Variants in ERAP1 observed in about 807,000 individuals in gnomAD.
ERAP1 encodes the protein endoplasmic reticulum aminopeptidase 1, also known as adipocyte-derived leucine aminopeptidase.
In ERAP1, 86 loss-of-function variants were observed where a neutral mutation model predicts 103.7. The observed-to-expected ratio is 0.83, with a 90% CI of 0.70 to 0.99. The LOEUF is 0.99. ERAP1 is among the 50% of genes least tolerant of loss of function. ERAP1 has a pLI of 0.00. For missense variants in ERAP1, 1,009 were observed against 1,128.4 expected (o/e 0.89, Z 1.52); for synonymous variants, 398 against 402.4 (o/e 0.99, Z 0.13).
chr5:96,914,148 T>TCACACACACACA, the ERAP1 span, among the ~76,000 whole-genome samples: 41 of 148,080 alleles, frequency 2.8e-4, no homozygotes, highest in East Asian at 3.4e-3. Context: ...TCTCTCTCTC[T>TCACACACACACA]CACACACACA....
chr5:96,816,256 C>T, the ERAP1 span, among the ~76,000 whole-genome samples: 4 of 152,196 alleles, frequency 2.6e-5, no homozygotes, highest in South Asian at 6.2e-4. Flanking sequence ...TCTTTCTTAA[C>T]GAATTATACA....
chr5:96,896,553 A>G, the ERAP1 span: 2 of 1,592,092 alleles, frequency 1.3e-6, no homozygotes, highest in South Asian at 1.1e-5. Context: ...GAAGTGTAAT[A>G]ATGACTATAG....
Position 96,797,322 on chromosome 5 carries a change from T to A in ERAP1, c.664-13A>T. The A allele has an allele frequency of 6.2e-6, 10 of 1,612,790 alleles. No homozygotes were observed. Among genetic ancestry groups the A allele is most frequent in the Non-Finnish European group, 8.5e-6 (10 of 1,179,402 alleles). ...TCACAGATTTCACCTAAAATCAGAA[T>A]AATTCAAATTATCAAGTAATCCAAT... On this transcript the variant is annotated splice_polypyrimidine_tract_variant and intron_variant, in intron 3 of 18. Coordinates refer to ENST00000443439, the MANE Select transcript of ERAP1 (RefSeq NM_001040458.3).
chr5:96,810,496 G>A (rs753185071), upstream of ERAP1, among the ~76,000 whole-genome samples: 7 of 152,122 alleles, frequency 4.6e-5, no homozygotes, highest in Non-Finnish European at 8.8e-5. Flanking sequence ...GAGACAGGTC[G>A]GCAACTTGCT....
the ERAP1 span, among the ~76,000 whole-genome samples, chr5:96,819,953 G>A: frequency 3.9e-5 from 6 of 152,162 alleles, no homozygotes; most frequent in South Asian, 4.1e-4. Context: ...TAATTTTGCC[G>A]AGACGTAGGT....
the ERAP1 span, among the ~76,000 whole-genome samples, chr5:96,886,301 A>G: frequency 1.3e-5 from 2 of 152,208 alleles, no homozygotes; most frequent in Admixed American, 1.3e-4. Flanking sequence ...ATTATCTGGT[A>G]TTTTACTTAA....
chr5:96,818,900 T>TATTTATG, the ERAP1 span, among the ~76,000 whole-genome samples: 4 of 86,036 alleles, frequency 4.6e-5, no homozygotes, highest in Non-Finnish European at 5.7e-5. Context: ...CTGCATTTAT[T>TATTTATG]TATTTATTTA....
At chr5:96,796,987 C>A (rs922183616) in intron 4 of ERAP1, among the ~76,000 whole-genome samples, 188 bp downstream of exon 4, 1 of 152,148 alleles carries the variant, frequency 6.6e-6, no homozygotes, top group Admixed American at 6.6e-5. Flanking sequence ...CAGGTTCTCA[C>A]TATTTTGTCC....
the ERAP1 span, among the ~76,000 whole-genome samples, chr5:96,911,623 T>C: frequency 5.3e-5 from 8 of 152,006 alleles, no homozygotes; most frequent in African/African-American, 1.4e-4. Flanking sequence ...CCGTAGCTCA[T>C]GCCTGTAAGG....
chr5:96,795,648 T>A (rs2150971262), intron 4 of ERAP1, among the ~76,000 whole-genome samples: 1 of 152,332 alleles, frequency 6.6e-6, no homozygotes, highest in South Asian at 2.1e-4. Context: ...GCCAGGCCTT[T>A]AATGTAAAGG....
At chr5:96,842,400 A>G in the ERAP1 span, among the ~76,000 whole-genome samples, 1 of 152,214 alleles carries the variant, frequency 6.6e-6, no homozygotes, top group Non-Finnish European at 1.5e-5. Flanking sequence ...TTACTTTCAC[A>G]CCAGCAGTGT....
chr5:96,806,851 G>GAAAA (rs61277270), intron 1 of ERAP1, among the ~76,000 whole-genome samples: 80 of 144,658 alleles, frequency 5.5e-4, no homozygotes, highest in South Asian at 2.0e-3. Context: ...GGATTAATTT[G>GAAAA]AAAAAAAAAA....
At chr5:96,919,992 G>A in the ERAP1 span, among the ~76,000 whole-genome samples, 2 of 152,190 alleles carry the variant, frequency 1.3e-5, no homozygotes, top group Admixed American at 6.5e-5. Context: ...GGCTTTGTAT[G>A]GGGAAGAGTG....
At chr5:96,918,316 G>C in the ERAP1 span, 2 of 152,150 alleles carry the variant, frequency 1.3e-5, no homozygotes, top group African/African-American at 2.4e-5. Context: ...GTATTCTATA[G>C]TTTGCCCAAC....
At chr5:96,892,346 G>T in the ERAP1 span, 14 of 1,613,660 alleles carry the variant, frequency 8.7e-6, no homozygotes, top group Non-Finnish European at 1.1e-5. Context: ...GGAAAATTGG[G>T]GCCTCATTAC....
intron 18 of ERAP1, among the ~76,000 whole-genome samples, chr5:96,778,991 A>G (rs17481759): frequency 0.091 from 13,826 of 152,060 alleles, 826 homozygotes; most frequent in Middle Eastern, 0.16. Flanking sequence ...CGCACCTGAT[A>G]TTTCCTCTGC....
intron 9 of ERAP1, 21 bp from the exon 10 acceptor site, chr5:96,790,388 C>T: frequency 6.2e-7 from 1 of 1,612,520 alleles, no homozygotes; most frequent in South Asian, 1.1e-5. Context: ...AAAATAAACA[C>T]ATCACTCTTA....
chr5:96,900,251 T>C, the ERAP1 span: 3 of 1,605,348 alleles, frequency 1.9e-6, no homozygotes, highest in Non-Finnish European at 2.5e-6. Flanking sequence ...CTAGAGTGAG[T>C]ATGACATACA....
the ERAP1 span, chr5:96,823,044 T>G: frequency 5.3e-5 from 24 of 456,168 alleles, no homozygotes; most frequent in South Asian, 1.5e-5. Context: ...TGCTGGCTGT[T>G]GACTGGAGGC....
Sources: gnomAD v4.1 joint callset for allele counts (sites outside exome capture counted in the v4.1 genomes callset) on GRCh38, gnomAD v4.1.1 for gene constraint, MANE v1.5 for transcripts, NCBI Gene and HGNC (gene_info 2026-07-23, HGNC 2026-07-21) for gene names.